KSR2: variants seen among roughly 807,000 people sequenced by gnomAD.
KSR2 encodes kinase suppressor of ras 2.
Under a neutral mutation model 107.8 loss-of-function variants are expected in KSR2, and 25 were observed. The ratio of observed to expected loss-of-function variants is 0.23; its 90% CI spans 0.17 to 0.32. KSR2 has a LOEUF of 0.32. Among genes scored for constraint, KSR2 ranks in the 10% least tolerant of loss-of-function variants. KSR2 has a pLI of 1.00. For missense variants in KSR2, 887 were observed against 1,268.9 expected, an observed-to-expected ratio of 0.70 and a Z score of 4.57; for synonymous variants, 480 against 507.0, an observed-to-expected ratio of 0.95 and a Z score of 0.71.
chr12:117,525,829 A>G (rs1038644522), intron 13 of KSR2, among the ~76,000 whole-genome samples: 7 of 152,238 alleles, frequency 4.6e-5, no homozygotes, highest in African/African-American at 1.7e-4. Context: ...GGTCAGAGCT[A>G]CAAGCTAGCT....
intron 18 of KSR2, among the ~76,000 whole-genome samples, chr12:117,470,473 C>T (rs949149171): frequency 2.0e-5 from 3 of 152,214 alleles, no homozygotes; most frequent in African/African-American, 7.2e-5. Context: ...ACCAGGTAAG[C>T]TCTATTCTAG....
intron 5 of KSR2, among the ~76,000 whole-genome samples, chr12:117,615,162 T>C (rs981849218): frequency 5.3e-5 from 8 of 151,676 alleles, no homozygotes; most frequent in African/African-American, 1.7e-4. Context: ...TCTCTTCTCC[T>C]GGTAAGACAC....
intron 4 of KSR2, among the ~76,000 whole-genome samples, chr12:117,716,683 C>T (rs1886994083): frequency 6.6e-6 from 1 of 152,136 alleles, no homozygotes; most frequent in Non-Finnish European, 1.5e-5. Context: ...ATATTCTATT[C>T]CCAGACTTCT....
At chr12:117,905,780 T>A (rs1295005779) in intron 1 of KSR2, among the ~76,000 whole-genome samples, 1 of 150,654 alleles carries the variant, frequency 6.6e-6, no homozygotes, top group Non-Finnish European at 1.5e-5. Flanking sequence ...AATAATAAAA[T>A]AACCACAAAA....
At chr12:117,874,241 A>G (rs987464140) in intron 1 of KSR2, among the ~76,000 whole-genome samples, 10 of 151,252 alleles carry the variant, frequency 6.6e-5, no homozygotes, top group Non-Finnish European at 1.0e-4. Flanking sequence ...TTTTTTTTTC[A>G]ACTTGTTTTG....
At position 117,848,808 on chromosome 12, in the gene KSR2, TGATGGTGGTG is replaced by T. The variant is rs1248435096; in HGVS notation, c.472+6610_472+6619del. ...TGGGTGGTGATGGTGGTAACAACAG[TGATGGTGGTG>T]GGTGGTGATGGTGGTAGTGGTGGTG... is the stretch of plus-strand genomic sequence containing the variant. On this transcript the variant is annotated intron_variant, in intron 3 of 19. Coordinates refer to ENST00000339824, the MANE Select transcript of KSR2 (RefSeq NM_173598.6). Among the ~76,000 whole-genome samples, 172 of 149,384 alleles carry T rather than the reference TGATGGTGGTG, an allele frequency of 1.2e-3. 2 individuals carry two copies. The highest frequency in any genetic ancestry group is 1.9e-3 in the Non-Finnish European group (125 of 67,154).
At chr12:117,845,592 A>G (rs966666219) in intron 3 of KSR2, among the ~76,000 whole-genome samples, 4 of 152,154 alleles carry the variant, frequency 2.6e-5, no homozygotes, top group Admixed American at 1.3e-4. Context: ...GGTGACTCTA[A>G]GTAAAAACTC....
At chr12:117,689,101 T>A (rs1308665253) in intron 4 of KSR2, among the ~76,000 whole-genome samples, 1 of 152,224 alleles carries the variant, frequency 6.6e-6, no homozygotes, top group Non-Finnish European at 1.5e-5. Context: ...AATACCAACA[T>A]ACAATGAATA....
chr12:117,719,594 T>C (rs1887128388), intron 4 of KSR2, among the ~76,000 whole-genome samples: 1 of 152,132 alleles, frequency 6.6e-6, no homozygotes, highest in Non-Finnish European at 1.5e-5. Context: ...TTTGCCCCAC[T>C]CCCCACCATT....
At chr12:117,762,356 G>A (rs140932323) in intron 3 of KSR2, among the ~76,000 whole-genome samples, 29 of 152,192 alleles carry the variant, frequency 1.9e-4, no homozygotes, top group African/African-American at 6.0e-4. Context: ...GATCTGTGTC[G>A]CCATGTTCTT....
chr12:117,602,874 C>G (rs1326818933), intron 5 of KSR2, among the ~76,000 whole-genome samples: 3 of 152,150 alleles, frequency 2.0e-5, no homozygotes, highest in Non-Finnish European at 4.4e-5. Context: ...TATATAGAAG[C>G]ACCCTCCCTC....
intron 7 of KSR2, 142 bp from the exon 8 acceptor site, chr12:117,558,715 T>A (rs1026240050): frequency 3.3e-6 from 2 of 611,486 alleles, no homozygotes; most frequent in African/African-American, 2.0e-5. Flanking sequence ...GGGGGATAGA[T>A]GGGTGAGTAG....
chr12:117,946,346 G>T (rs1414909155), intron 1 of KSR2, among the ~76,000 whole-genome samples: 1 of 151,596 alleles, frequency 6.6e-6, no homozygotes, highest in Non-Finnish European at 1.5e-5. Context: ...GACTAACAAA[G>T]GAAAAAAGAG....
At chr12:117,866,371 A>T (rs767683910) in intron 1 of KSR2, among the ~76,000 whole-genome samples, 2 of 152,186 alleles carry the variant, frequency 1.3e-5, no homozygotes, top group Non-Finnish European at 2.9e-5. Context: ...CACAGGACAC[A>T]GTCTCAGAGC....
chr12:117,637,011 G>A (rs1015309460), intron 5 of KSR2, among the ~76,000 whole-genome samples: 1 of 152,136 alleles, frequency 6.6e-6, no homozygotes, highest in Non-Finnish European at 1.5e-5. Flanking sequence ...ACATTTCACA[G>A]GTAATGAAAC....
intron 1 of KSR2, among the ~76,000 whole-genome samples, chr12:117,956,461 G>A (rs1896522273): frequency 6.6e-6 from 1 of 151,372 alleles, no homozygotes; most frequent in African/African-American, 2.4e-5. Flanking sequence ...CCAGTTACTT[G>A]GGAAGCTGAG....
chr12:117,626,151 C>T (rs1272824083), intron 5 of KSR2, among the ~76,000 whole-genome samples: 1 of 152,166 alleles, frequency 6.6e-6, no homozygotes, highest in Non-Finnish European at 1.5e-5. Context: ...TTTCAAAAAA[C>T]CAGCTCCTAG....
At chr12:117,772,262 T>C (rs1593221495) in intron 3 of KSR2, among the ~76,000 whole-genome samples, 2 of 86,438 alleles carry the variant, frequency 2.3e-5, no homozygotes, top group Admixed American at 1.6e-4. Flanking sequence ...ATACACACCA[T>C]TCCCCCAAAG....
chr12:117,830,484 T>C (rs960800693), intron 3 of KSR2, among the ~76,000 whole-genome samples: 4 of 152,004 alleles, frequency 2.6e-5, no homozygotes, highest in African/African-American at 7.3e-5. Flanking sequence ...CCTGCACATG[T>C]ACCCTCGAAT....
Sources: gnomAD v4.1 joint callset for allele counts (sites outside exome capture counted in the v4.1 genomes callset) on GRCh38, gnomAD v4.1.1 for gene constraint, MANE v1.5 for transcripts, NCBI Gene and HGNC (gene_info 2026-07-23, HGNC 2026-07-21) for gene names.